FAM168A: variants seen among roughly 807,000 people sequenced by gnomAD.
FAM168A encodes the protein family with sequence similarity 168 member A.
FAM168A carries 3 observed loss-of-function variants against 28.5 expected under a neutral mutation model. The ratio of observed to expected loss-of-function variants is 0.11; its 90% confidence interval spans 0.05 to 0.27. The LOEUF (loss-of-function observed/expected upper bound fraction) is 0.27, where lower values mean the gene tolerates loss of function less well. Ranked by LOEUF, FAM168A falls within the 10% of genes least tolerant of loss-of-function variation. The probability of loss-of-function intolerance (pLI) is 1.00; values close to 1 mark genes in which losing one functional copy is unlikely to be tolerated. For synonymous variants in FAM168A, 122 were observed against 124.2 expected (o/e 0.98, Z 0.12); for missense variants, 222 against 311.5 (o/e 0.71, Z 2.16).
intron 1 of FAM168A, among the ~76,000 whole-genome samples, chr11:73,541,375 T>C (rs1343176076): frequency 6.6e-6 from 1 of 151,498 alleles, no homozygotes; most frequent in African/African-American, 2.4e-5. Flanking sequence ...TAAACTTCTT[T>C]TTTTTTTTTT....
intron 2 of FAM168A, among the ~76,000 whole-genome samples, chr11:73,434,898 A>T (rs776016506): frequency 9.9e-5 from 15 of 152,232 alleles, no homozygotes; most frequent in Non-Finnish European, 1.3e-4. Flanking sequence ...AAGAGACGTG[A>T]CATCCCAAGA....
At chr11:73,554,907 G>A (rs1465917871) in intron 1 of FAM168A, among the ~76,000 whole-genome samples, 1 of 152,124 alleles carries the variant, frequency 6.6e-6, no homozygotes, top group Non-Finnish European at 1.5e-5. Flanking sequence ...AAGACCCACT[G>A]CTAAAATCCA....
intron 2 of FAM168A, among the ~76,000 whole-genome samples, chr11:73,450,844 C>T (rs1867414430): frequency 1.3e-5 from 2 of 152,182 alleles, no homozygotes; most frequent in South Asian, 4.1e-4. Context: ...CCTAGAAGTT[C>T]CAGACAATAT....
At chr11:73,549,722 T>C (rs1943803829) in intron 1 of FAM168A, among the ~76,000 whole-genome samples, 1 of 152,216 alleles carries the variant, frequency 6.6e-6, no homozygotes, top group African/African-American at 2.4e-5. Context: ...CCACTCATGA[T>C]TTAAGTTCCA....
At chr11:73,588,679 C>T (rs977820629) in intron 1 of FAM168A, among the ~76,000 whole-genome samples, 8 of 152,052 alleles carry the variant, frequency 5.3e-5, no homozygotes, top group African/African-American at 9.7e-5. Context: ...CAGTGTGAAA[C>T]CCGGTCTCAA....
At chr11:73,427,414 T>C (rs1460695806) in intron 3 of FAM168A, among the ~76,000 whole-genome samples, 1 of 152,194 alleles carries the variant, frequency 6.6e-6, no homozygotes, top group African/African-American at 2.4e-5. Context: ...TCAATCTCTT[T>C]TTTTCCCCTA....
intron 2 of FAM168A, among the ~76,000 whole-genome samples, chr11:73,431,387 A>G (rs11235751): frequency 7.6e-4 from 114 of 150,932 alleles, no homozygotes; most frequent in African/African-American, 2.4e-3. Context: ...GCAACATTGA[A>G]GTTTACACTT....
At chr11:73,580,778 G>A (rs765550174) in intron 1 of FAM168A, among the ~76,000 whole-genome samples, 1 of 152,204 alleles carries the variant, frequency 6.6e-6, no homozygotes. Context: ...CCCAGGAGCA[G>A]GGATTCCCTG....
intron 1 of FAM168A, among the ~76,000 whole-genome samples, chr11:73,496,903 A>ACACACACACACG: frequency 6.7e-6 from 1 of 148,606 alleles, no homozygotes; most frequent in African/African-American, 2.5e-5. Flanking sequence ...ACACACACAC[A>ACACACACACACG]CACGCACACA....
chr11:73,553,892 G>A (rs375988030), intron 1 of FAM168A, among the ~76,000 whole-genome samples: 1 of 152,184 alleles, frequency 6.6e-6, no homozygotes, highest in Non-Finnish European at 1.5e-5. Flanking sequence ...AAGAAGCTGA[G>A]GTGGGAGGAT....
intron 1 of FAM168A, among the ~76,000 whole-genome samples, chr11:73,512,606 GA>G (rs1023951616): frequency 3.2e-4 from 46 of 145,622 alleles, no homozygotes; most frequent in East Asian, 1.4e-3. Flanking sequence ...TATTAAAAAA[GA>G]AAAAAAAAAC....
intron 2 of FAM168A, among the ~76,000 whole-genome samples, chr11:73,435,884 C>T (rs1867079034): frequency 6.6e-6 from 1 of 152,188 alleles, no homozygotes; most frequent in Non-Finnish European, 1.5e-5. Context: ...TGATTTCTCC[C>T]ATTTTATAGC....
intron 1 of FAM168A, among the ~76,000 whole-genome samples, chr11:73,587,863 C>T (rs1266291206): frequency 2.0e-5 from 3 of 152,128 alleles, no homozygotes; most frequent in South Asian, 4.1e-4. Context: ...GATTCTTCTG[C>T]CTCAGCCTCC....
At chr11:73,578,627 A>C (rs746582674) in intron 1 of FAM168A, among the ~76,000 whole-genome samples, 2 of 152,258 alleles carry the variant, frequency 1.3e-5, no homozygotes, top group Non-Finnish European at 2.9e-5. Flanking sequence ...AAGTTTATGT[A>C]AACGGTTAGT....
At chr11:73,438,099 C>T (rs1180198177) in intron 2 of FAM168A, among the ~76,000 whole-genome samples, 9 of 151,862 alleles carry the variant, frequency 5.9e-5, no homozygotes, top group African/African-American at 9.7e-5. Context: ...ATCCAGATTT[C>T]ATCATCATCA....
intron 1 of FAM168A, among the ~76,000 whole-genome samples, chr11:73,534,451 G>A (rs915729833): frequency 2.0e-5 from 3 of 149,490 alleles, no homozygotes; most frequent in African/African-American, 7.4e-5. Context: ...CACCCAGGCT[G>A]GAGCGCAATG....
chr11:73,475,770 A>G lies in FAM168A; in HGVS notation c.-18-7278T>C, dbSNP rs546200504. Reference sequence around the variant, plus strand: ...CCCTTATCCCAATCCCAAGCTCTGTAGGGGGCCTGCTACTAGGGCAGGCTA... The same window carrying G: ...CCCTTATCCCAATCCCAAGCTCTGTGGGGGGCCTGCTACTAGGGCAGGCTA... On this transcript the variant is annotated intron_variant, in intron 1 of 7. Transcript: ENST00000356467. Among the ~76,000 whole-genome samples, 237 of 152,280 alleles carry G rather than the reference A, an allele frequency of 1.6e-3. 1 individual carries two copies. The highest frequency in any genetic ancestry group is 5.5e-3 in the African/African-American group (229 of 41,566).
chr11:73,481,973 G>A (rs1327029429), intron 1 of FAM168A, among the ~76,000 whole-genome samples: 2 of 152,088 alleles, frequency 1.3e-5, no homozygotes, highest in Non-Finnish European at 2.9e-5. Flanking sequence ...TGAGGACACA[G>A]CATTCCTCCT....
chr11:73,483,578 T>C (rs758079781), intron 1 of FAM168A, among the ~76,000 whole-genome samples: 1 of 152,174 alleles, frequency 6.6e-6, no homozygotes, highest in Non-Finnish European at 1.5e-5. Flanking sequence ...TTAAAGCAGC[T>C]ATCCAGGTTA....
Sources: allele counts gnomAD v4.1 joint callset (sites outside exome capture counted in the v4.1 genomes callset), GRCh38; gene constraint gnomAD v4.1.1; transcripts MANE v1.5; gene names NCBI Gene and HGNC (gene_info 2026-07-23, HGNC 2026-07-21).